PCDHGB7: variants seen among roughly 807,000 people sequenced by gnomAD.
PCDHGB7 encodes protocadherin gamma subfamily B, 7.
A neutral mutation model predicts 61.4 loss-of-function variants in PCDHGB7; 37 were observed. The observed-to-expected ratio is 0.60, with a 90% confidence interval of 0.46 to 0.79. The LOEUF (loss-of-function observed/expected upper bound fraction) is 0.79, where lower values mean the gene tolerates loss of function less well. Among genes scored for constraint, PCDHGB7 ranks in the 30% least tolerant of loss-of-function variants. The pLI, the probability that PCDHGB7 is intolerant of heterozygous loss-of-function variation, is 0.00. For synonymous variants in PCDHGB7, 464 were observed against 503.5 expected (o/e 0.92, Z 1.05); for missense variants, 1,166 against 1,202.5 (o/e 0.97, Z 0.45).
chr5:141,425,486 C>T (rs2096878743), intron 1 of PCDHGB7, among the ~76,000 whole-genome samples: 1 of 152,236 alleles, frequency 6.6e-6, no homozygotes, highest in African/African-American at 2.4e-5. Context: ...TGGCAACCTA[C>T]TAGGCTATAC....
intron 1 of PCDHGB7, chr5:141,422,633 G>A (rs769515606): frequency 1.9e-6 from 3 of 1,613,120 alleles, no homozygotes; most frequent in Non-Finnish European, 2.5e-6. Flanking sequence ...AACCCCAGGG[G>A]TGCCTCCATC....
intron 1 of PCDHGB7, chr5:141,423,597 G>A: frequency 6.2e-7 from 1 of 1,613,188 alleles, no homozygotes; most frequent in Non-Finnish European, 8.5e-7. Context: ...AGAAAAGCGA[G>A]CCACTCTTGA....
chr5:141,429,672 A>G (rs1036863132), intron 1 of PCDHGB7, among the ~76,000 whole-genome samples: 1 of 152,210 alleles, frequency 6.6e-6, no homozygotes, highest in African/African-American at 2.4e-5. Context: ...ATATTATTTT[A>G]TTTTATGCCT....
chr5:141,482,220 G>T (rs945741591), intron 1 of PCDHGB7, among the ~76,000 whole-genome samples: 8 of 152,148 alleles, frequency 5.3e-5, no homozygotes, highest in African/African-American at 1.9e-4. Flanking sequence ...ACTTGTTTTG[G>T]TGTGAAATTG....
intron 1 of PCDHGB7, among the ~76,000 whole-genome samples, chr5:141,469,852 C>T (rs529924249): frequency 1.3e-4 from 20 of 152,054 alleles, no homozygotes; most frequent in African/African-American, 4.8e-4. Flanking sequence ...AGATTCAGAC[C>T]GGGTGCAATG....
intron 1 of PCDHGB7, among the ~76,000 whole-genome samples, chr5:141,458,500 T>G (rs2098947037): frequency 6.6e-6 from 1 of 151,442 alleles, no homozygotes; most frequent in Admixed American, 6.6e-5. Context: ...CTGTACATAC[T>G]GTTTGACACT....
chr5:141,454,493 A>G (rs1328573277), intron 1 of PCDHGB7, among the ~76,000 whole-genome samples: 1 of 151,866 alleles, frequency 6.6e-6, no homozygotes, highest in Non-Finnish European at 1.5e-5. Context: ...CGCAACCTCC[A>G]CCTCCTGGAT....
Position 141,477,778 on chromosome 5 carries a change from C to T in PCDHGB7, c.2416-17029C>T, listed in dbSNP as rs866423908. On this transcript the variant is annotated intron_variant, in intron 1 of 3. Transcript: ENST00000398594. This position sits in a 1 kb window ranked among gnomAD's most constrained non-coding sequence, Gnocchi z 4.9. ...TCCTAGCCACCAACATCAGCGTGAA[C>T]ATATTTGTCACTGATCGCAATGACA... 2.5e-6 allele frequency: 4 copies of T among 1,614,052 alleles called. No homozygotes were observed. In the African/African-American group the frequency reaches 5.3e-5, roughly 22 times the overall value.
chr5:141,428,797 G>A (rs2097161930), intron 1 of PCDHGB7: 1 of 152,310 alleles, frequency 6.6e-6, no homozygotes, highest in Admixed American at 6.5e-5. Context: ...TTCTGTGTGG[G>A]CCAGTAACTT....
intron 1 of PCDHGB7, chr5:141,433,047 C>G: frequency 1.9e-6 from 3 of 1,614,164 alleles, no homozygotes; most frequent in Non-Finnish European, 2.5e-6. Context: ...ACCACGGACT[C>G]GCGGAAGAGT....
chr5:141,477,031 A>G lies in PCDHGB7; in HGVS notation c.2416-17776A>G. 2 of 1,614,248 alleles carry G rather than the reference A, an allele frequency of 1.2e-6. No homozygotes were observed. The highest frequency in any genetic ancestry group is 2.2e-5 in the East Asian group (1 of 44,880). On this transcript the variant is annotated intron_variant, in intron 1 of 3. Transcript: ENST00000398594. This position sits in a 1 kb window ranked among gnomAD's most constrained non-coding sequence, Gnocchi z 4.9. ...TAGACCTTGTAACCGGGATGCTGAC[A>G]ATCAAGGGTCGGCTGGACTTCGAGG...
chr5:141,420,405 T>C (rs1188012975), intron 1 of PCDHGB7, 131 bp downstream of exon 1: 7 of 1,241,232 alleles, frequency 5.6e-6, no homozygotes, highest in East Asian at 5.7e-5. Flanking sequence ...AAATTTATGG[T>C]TATCATTATT....
At chr5:141,427,945 A>G (rs747625541) in intron 1 of PCDHGB7, 22 of 1,586,364 alleles carry the variant, frequency 1.4e-5, no homozygotes, top group Middle Eastern at 1.7e-4. Flanking sequence ...GGCGACCTCA[A>G]TGACAATGTG....
At chr5:141,428,147 G>T (rs771536400) in intron 1 of PCDHGB7, 1 of 1,589,612 alleles carries the variant, frequency 6.3e-7, no homozygotes, top group South Asian at 1.1e-5. Flanking sequence ...GGCTGCACAC[G>T]GGAACCTGCT....
At chr5:141,464,418 T>C (rs1244881278) in intron 1 of PCDHGB7, among the ~76,000 whole-genome samples, 2 of 151,652 alleles carry the variant, frequency 1.3e-5, no homozygotes, top group Non-Finnish European at 2.9e-5. Flanking sequence ...TATATATCTA[T>C]ATATATAGAT....
At position 141,476,140 on chromosome 5, in the gene PCDHGB7, C is replaced by A. The variant is rs1410430310; in HGVS notation, c.2416-18667C>A. On this transcript the variant is annotated intron_variant, in intron 1 of 3. Coordinates refer to ENST00000398594, the MANE Select transcript of PCDHGB7 (RefSeq NM_018927.4). The surrounding 1 kb of genome is among the most constrained non-coding windows in gnomAD (Gnocchi z 7.6). ...AGATGGTCCCAGAGGCCTGGAGGAG[C>A]GGACTGGTAAGCACCGGGAGGGTAG... 6 of 1,609,222 alleles carry A rather than the reference C, an allele frequency of 3.7e-6. No homozygotes were observed. The highest frequency in any genetic ancestry group is 5.1e-6 in the Non-Finnish European group (6 of 1,178,484).
intron 1 of PCDHGB7, chr5:141,478,782 T>C: frequency 6.7e-7 from 1 of 1,485,212 alleles, no homozygotes. Context: ...GTGGACCTAA[T>C]TCACATCCTC....
intron 2 of PCDHGB7, among the ~76,000 whole-genome samples, chr5:141,500,324 T>G (rs1165047676): frequency 6.6e-6 from 1 of 151,994 alleles, no homozygotes; most frequent in African/African-American, 2.4e-5. Flanking sequence ...TGCTCCTGCC[T>G]CAGCCTCCAG....
At chr5:141,424,928 T>C (rs2096848391) in intron 1 of PCDHGB7, among the ~76,000 whole-genome samples, 1 of 152,204 alleles carries the variant, frequency 6.6e-6, no homozygotes, top group South Asian at 2.1e-4. Flanking sequence ...ATCAATTCAG[T>C]CAACACTCTC....
Sources: allele counts gnomAD v4.1 joint callset (sites outside exome capture counted in the v4.1 genomes callset), GRCh38; gene constraint gnomAD v4.1.1; non-coding constraint Gnocchi (gnomAD v3.1); transcripts MANE v1.5; gene names NCBI Gene and HGNC (gene_info 2026-07-23, HGNC 2026-07-21).